The following HIVEP3 variants were observed in gnomAD, a reference collection of about 807,000 sequenced individuals.
The protein encoded by HIVEP3 is transcription factor HIVEP3.
Under a neutral mutation model 152.8 loss-of-function variants are expected in HIVEP3, and 49 were observed. That is an observed-to-expected ratio of 0.32 (90% CI 0.26 to 0.41). The LOEUF (loss-of-function observed/expected upper bound fraction) is 0.41, where lower values mean the gene tolerates loss of function less well. Among genes scored for constraint, HIVEP3 ranks in the 10% least tolerant of loss-of-function variants. HIVEP3 has a pLI of 1.00. For synonymous variants in HIVEP3, 1,269 were observed against 1,289.0 expected, an observed-to-expected ratio of 0.98 and a Z score of 0.33; for missense variants, 2,790 against 3,103.3, an observed-to-expected ratio of 0.90 and a Z score of 2.40.
chr1:41,616,129 C>G (rs1335631487), intron 3 of HIVEP3, among the ~76,000 whole-genome samples: 1 of 152,004 alleles, frequency 6.6e-6, no homozygotes, highest in East Asian at 1.9e-4. Context: ...GTGGGTGGAT[C>G]TGAGCATCAT....
chr1:41,994,921 T>C (rs775483445), intron 1 of HIVEP3, among the ~76,000 whole-genome samples: 6 of 151,618 alleles, frequency 4.0e-5, no homozygotes, highest in Non-Finnish European at 8.8e-5. Context: ...GATCAATGAC[T>C]GGGTTTAACA....
At chr1:41,982,708 T>C (rs920315489) in intron 1 of HIVEP3, among the ~76,000 whole-genome samples, 1 of 152,170 alleles carries the variant, frequency 6.6e-6, no homozygotes, top group South Asian at 2.1e-4. Flanking sequence ...GCCGACAGAA[T>C]TGGTGATAGA....
chr1:41,555,296 C>G (rs1643948179), intron 5 of HIVEP3, among the ~76,000 whole-genome samples: 1 of 152,266 alleles, frequency 6.6e-6, no homozygotes, highest in Non-Finnish European at 1.5e-5. Flanking sequence ...ATGGGACCTG[C>G]TGAGCCAGGC....
intron 1 of HIVEP3, among the ~76,000 whole-genome samples, chr1:41,726,570 G>A (rs915121369): frequency 1.3e-5 from 2 of 152,194 alleles, no homozygotes; most frequent in East Asian, 1.9e-4. Context: ...GCCTCACCAC[G>A]ATTTGAACTG....
intron 1 of HIVEP3, among the ~76,000 whole-genome samples, chr1:41,746,228 T>C (rs951453306): frequency 6.6e-6 from 1 of 152,212 alleles, no homozygotes; most frequent in Non-Finnish European, 1.5e-5. Flanking sequence ...TAATAATGGG[T>C]ACCAAATGAC....
intron 1 of HIVEP3, among the ~76,000 whole-genome samples, chr1:41,924,744 A>C (rs183752117): frequency 2.0e-5 from 3 of 152,258 alleles, no homozygotes; most frequent in East Asian, 3.9e-4. Context: ...GATCATGAGA[A>C]TGTCCTTATG....
chr1:41,566,046 C>G (rs1314870870), intron 5 of HIVEP3, among the ~76,000 whole-genome samples: 1 of 152,138 alleles, frequency 6.6e-6, no homozygotes, highest in Non-Finnish European at 1.5e-5. Context: ...CCTGGGAAGT[C>G]CTTTGAGTCC....
chr1:41,583,070 G>T lies in HIVEP3; in HGVS notation c.1728C>A (p.Ser576Arg), dbSNP rs1175019976. 1 of 1,613,900 alleles carries T rather than the reference G, an allele frequency of 6.2e-7. No individual in the cohort carries two copies. Among genetic ancestry groups the T allele is most frequent in the Non-Finnish European group, 8.5e-7 (1 of 1,179,906 alleles). ...HITDSEALSH[S>R]SHVFTSHPRM... Reference sequence around the variant, plus strand: ...GGGGGTGGGAGGTAAACACGTGACTGCTGTGGCTCAGGGCTTCGGAGTCGG... The same window carrying T: ...GGGGGTGGGAGGTAAACACGTGACTTCTGTGGCTCAGGGCTTCGGAGTCGG... The change falls in exon 4 of 9, where the codon AGC becomes AGA. Residue 576 changes from serine to arginine, a missense_variant. Physicochemically the swap from Ser to Arg is moderately radical, Grantham distance 110. Around this residue, in one of 9 missense-constraint regions of HIVEP3, gnomAD observed 339 missense variants for 327.0 expected, o/e 1.04. Coordinates refer to ENST00000372583, the MANE Select transcript of HIVEP3 (RefSeq NM_024503.5). The surrounding 1 kb of genome is among the most constrained non-coding windows in gnomAD (Gnocchi z 6.9).
Position 41,641,714 on chromosome 1 carries a change from G to A in HIVEP3, c.-720-12767C>T, listed in dbSNP as rs549156400. 4.0e-3 allele frequency among the ~76,000 whole-genome samples: 608 copies of A among 152,348 alleles called. 4 individuals carry two copies. Among genetic ancestry groups the A allele is most frequent in the Non-Finnish European group, 7.0e-3 (474 of 68,034 alleles). ...TGGGGCCCAACACTGCTTACAGGGG[G>A]TGACAGGAGCCAGTTGCTACGGCAA... is the stretch of plus-strand genomic sequence containing the variant. On this transcript the variant is annotated intron_variant, in intron 2 of 8. Coordinates refer to ENST00000372583, the MANE Select transcript of HIVEP3 (RefSeq NM_024503.5).
At chr1:41,605,279 A>G (rs1007763589) in intron 3 of HIVEP3, among the ~76,000 whole-genome samples, 2 of 151,260 alleles carry the variant, frequency 1.3e-5, no homozygotes, top group African/African-American at 4.9e-5. Context: ...GCAGGTGGGT[A>G]TTTACTCCGA....
chr1:41,526,824 C>T (rs1400118035), intron 5 of HIVEP3, among the ~76,000 whole-genome samples: 1 of 122,808 alleles, frequency 8.1e-6, no homozygotes, highest in South Asian at 2.8e-4. Context: ...CACCCCCCCA[C>T]ACTCCCTCAC....
rs773074378 is a variant in HIVEP3 at position 41,511,297 on chromosome 1, G to C, written c.6406-31C>G. ...GTCAGAAAACAAGACAAGGTAAGGTGAAGGTTACATGCTGGGCACATGGGG... is the reference window on the plus strand; with the variant it reads ...GTCAGAAAACAAGACAAGGTAAGGTCAAGGTTACATGCTGGGCACATGGGG... On this transcript the variant is annotated intron_variant, in intron 8 of 8. Transcript: ENST00000372583. The surrounding 1 kb of genome is among the most constrained non-coding windows in gnomAD (Gnocchi z 4.9). 6.5e-7 allele frequency: 1 copy of C among 1,541,908 alleles called. No individual in the cohort carries two copies. The highest frequency in any genetic ancestry group is 2.3e-5 in the East Asian group (1 of 43,764).
chr1:41,986,438 CTT>C (rs34078704), intron 1 of HIVEP3, among the ~76,000 whole-genome samples: 7,305 of 112,560 alleles, frequency 0.065, 461 homozygotes, highest in African/African-American at 0.22. Flanking sequence ...TTGAATAGGA[CTT>C]TTTTTTTTTT....
chr1:41,596,318 G>A (rs990300529), intron 3 of HIVEP3, among the ~76,000 whole-genome samples: 6 of 152,220 alleles, frequency 3.9e-5, no homozygotes, highest in African/African-American at 7.2e-5. Flanking sequence ...CTTCCAGGGT[G>A]ACCAGCCCCT....
chr1:41,990,095 G>A (rs1303092437), intron 1 of HIVEP3, among the ~76,000 whole-genome samples: 1 of 92,720 alleles, frequency 1.1e-5, no homozygotes, highest in African/African-American at 4.5e-5. Context: ...CTTCCTTCAG[G>A]AGCTCTTTTA....
chr1:41,617,449 G>C (rs984808090), intron 3 of HIVEP3, among the ~76,000 whole-genome samples: 1 of 152,208 alleles, frequency 6.6e-6, no homozygotes, highest in Non-Finnish European at 1.5e-5. Context: ...AACCCCTGGG[G>C]TGGTTGAGGA....
At chr1:41,814,891 G>T (rs183727160) in intron 1 of HIVEP3, among the ~76,000 whole-genome samples, 38 of 152,284 alleles carry the variant, frequency 2.5e-4, no homozygotes, top group African/African-American at 8.2e-4. Context: ...AGTGTAAAAG[G>T]CATACACGTT....
chr1:41,738,227 A>T (rs6668879), intron 1 of HIVEP3, among the ~76,000 whole-genome samples: 2 of 151,936 alleles, frequency 1.3e-5, no homozygotes, highest in African/African-American at 2.4e-5. Flanking sequence ...CATATAGACA[A>T]GCAGCTGGGT....
At chr1:41,669,798 C>T (rs1316389268) in intron 2 of HIVEP3, among the ~76,000 whole-genome samples, 1 of 152,232 alleles carries the variant, frequency 6.6e-6, no homozygotes, top group Non-Finnish European at 1.5e-5. Flanking sequence ...CATAGGACTT[C>T]TCAGCCCCCA....
Sources: allele counts gnomAD v4.1 joint callset (sites outside exome capture counted in the v4.1 genomes callset), GRCh38; gene constraint gnomAD v4.1.1; regional missense constraint gnomAD v4.1.1; non-coding constraint Gnocchi (gnomAD v3.1); transcripts MANE v1.5; gene names NCBI Gene and HGNC (gene_info 2026-07-23, HGNC 2026-07-21).